Variants in CCDC148 observed in about 807,000 individuals in gnomAD.
CCDC148 encodes coiled-coil domain-containing protein 148.
Under a neutral mutation model 85.7 loss-of-function variants are expected in CCDC148, and 89 were observed. That is an observed-to-expected ratio of 1.04 (90% CI 0.87 to 1.24). The LOEUF (loss-of-function observed/expected upper bound fraction) is 1.24. Ranked by LOEUF, CCDC148 falls within the 50% of genes most tolerant of loss-of-function variation. The pLI, the probability that CCDC148 is intolerant of heterozygous loss-of-function variation, is 0.00. For missense variants in CCDC148, 692 were observed against 671.7 expected, an observed-to-expected ratio of 1.03 and a Z score of -0.33; for synonymous variants, 230 against 213.9, an observed-to-expected ratio of 1.08 and a Z score of -0.66.
intron 2 of CCDC148, among the ~76,000 whole-genome samples, chr2:158,353,646 C>A (rs1683452158): frequency 6.6e-6 from 1 of 152,112 alleles, no homozygotes. Context: ...TAACACCCCA[C>A]TGTCAACATT....
intron 8 of CCDC148, among the ~76,000 whole-genome samples, chr2:158,312,599 C>A (rs12694954): frequency 0.35 from 46,711 of 135,150 alleles, 9,931 homozygotes; most frequent in South Asian, 0.61. Context: ...AAAAAAAAAC[C>A]AAAAAACAAA....
chr2:158,293,956 C>CCTTCCTTCCTTCCTT lies in CCDC148; in HGVS notation c.1110+15476_1110+15477insAAGGAAGGAAGGAAG, dbSNP rs1559049522. ...TGCCTTCCTGCCTTCCTTCCCCTCT[C>CCTTCCTTCCTTCCTT]CCTCCCTCCCTCCCTCCCCCCCCCC... On this transcript the variant is annotated intron_variant, in intron 9 of 13. Coordinates refer to ENST00000283233, the MANE Select transcript of CCDC148 (RefSeq NM_138803.4). Among the ~76,000 whole-genome samples the CCTTCCTTCCTTCCTT allele has an allele frequency of 1.5e-4, 6 of 38,866 alleles. 1 individual carries two copies. The highest frequency in any genetic ancestry group is 2.3e-4 in the Non-Finnish European group (5 of 21,858). 25.5% of individuals were successfully genotyped at this position (38,866 alleles called of 152,430 possible).
chr2:158,182,405 C>T (rs992751539), intron 11 of CCDC148, among the ~76,000 whole-genome samples: 4 of 152,086 alleles, frequency 2.6e-5, no homozygotes, highest in Non-Finnish European at 1.5e-5. Context: ...ACATCAAATG[C>T]TACAGAAAGA....
At chr2:158,383,507 G>A (rs529907386) in intron 1 of CCDC148, among the ~76,000 whole-genome samples, 2 of 152,108 alleles carry the variant, frequency 1.3e-5, no homozygotes, top group East Asian at 3.9e-4. Context: ...AATGTGAATA[G>A]AATTATTTTT....
rs1685837414 is a variant in CCDC148, at chr2:158,199,391, T to A, written c.1371-20395A>T. Reference sequence around the variant, plus strand: ...TCCCAACTAGCTGGGATTATAGGCATCCGCCACCACCCCTGGCTAATTTTA... The same window carrying A: ...TCCCAACTAGCTGGGATTATAGGCAACCGCCACCACCCCTGGCTAATTTTA... On this transcript the variant is annotated intron_variant, in intron 11 of 13. Transcript: ENST00000283233. 3.3e-5 allele frequency among the ~76,000 whole-genome samples: 5 copies of A among 152,028 alleles called. No individual in the cohort carries two copies. In the South Asian group the frequency reaches 1.0e-3, roughly 32 times the overall value.
intron 11 of CCDC148, among the ~76,000 whole-genome samples, chr2:158,208,852 A>G (rs925632829): frequency 6.6e-6 from 1 of 152,144 alleles, no homozygotes; most frequent in Admixed American, 6.5e-5. Context: ...CTTGTAAGCT[A>G]AAACCTTAGT....
chr2:158,351,738 C>T (rs1241234114), intron 2 of CCDC148, among the ~76,000 whole-genome samples: 3 of 151,176 alleles, frequency 2.0e-5, no homozygotes, highest in Non-Finnish European at 4.4e-5. Context: ...CTCAAGGAGG[C>T]CTGCCTGCCT....
At chr2:158,225,187 A>G (rs1310415009) in intron 10 of CCDC148, among the ~76,000 whole-genome samples, 1 of 152,206 alleles carries the variant, frequency 6.6e-6, no homozygotes, top group Non-Finnish European at 1.5e-5. Context: ...TTAAACCAAC[A>G]AAGATCAAAA....
intron 11 of CCDC148, among the ~76,000 whole-genome samples, chr2:158,182,131 G>T (rs1684935518): frequency 6.6e-6 from 1 of 152,130 alleles, no homozygotes; most frequent in Non-Finnish European, 1.5e-5. Context: ...GGAGGTGAAA[G>T]AATTAAGTTC....
chr2:158,254,378 T>C (rs546554340), intron 9 of CCDC148, among the ~76,000 whole-genome samples: 72 of 151,754 alleles, frequency 4.7e-4, no homozygotes, highest in African/African-American at 1.7e-3. Flanking sequence ...TAACAGATTA[T>C]ATGGTGCTTG....
intron 9 of CCDC148, among the ~76,000 whole-genome samples, chr2:158,308,969 C>T (rs779462439): frequency 4.3e-4 from 65 of 152,224 alleles, no homozygotes; most frequent in Non-Finnish European, 7.2e-4. Context: ...TTCCCCAACA[C>T]TTCGCTGAGG....
At chr2:158,449,468 G>A (rs922125608) in intron 1 of CCDC148, among the ~76,000 whole-genome samples, 7 of 134,564 alleles carry the variant, frequency 5.2e-5, no homozygotes, top group African/African-American at 1.1e-4. Flanking sequence ...TTTTTTTTCC[G>A]AGACAGTCTC....
chr2:158,195,583 T>TTTG (rs1685632211), intron 11 of CCDC148, among the ~76,000 whole-genome samples: 1 of 152,314 alleles, frequency 6.6e-6, no homozygotes, highest in Non-Finnish European at 1.5e-5. Context: ...AGGGACCCAT[T>TTTG]GTCCCTAGCT....
intron 1 of CCDC148, among the ~76,000 whole-genome samples, chr2:158,416,269 G>A (rs1447271037): frequency 6.6e-6 from 1 of 152,164 alleles, no homozygotes; most frequent in South Asian, 2.1e-4. Flanking sequence ...GTGATGGGAG[G>A]GGCTGCCACG....
chr2:158,213,596 G>A (rs1303669179), intron 11 of CCDC148, among the ~76,000 whole-genome samples: 1 of 152,152 alleles, frequency 6.6e-6, no homozygotes. Flanking sequence ...CCTGTGCTTG[G>A]AAGAATGGTC....
At chr2:158,265,336 T>C (rs1427997469) in intron 9 of CCDC148, among the ~76,000 whole-genome samples, 1 of 152,170 alleles carries the variant, frequency 6.6e-6, no homozygotes, top group Non-Finnish European at 1.5e-5. Context: ...TACATCATTA[T>C]GTGCAAATGT....
chr2:158,392,111 C>A (rs922940261), intron 1 of CCDC148, among the ~76,000 whole-genome samples: 3 of 152,118 alleles, frequency 2.0e-5, no homozygotes, highest in Non-Finnish European at 4.4e-5. Flanking sequence ...TCATCAGGTT[C>A]TTTCATCTTG....
At chr2:158,242,777 T>C (rs1295553985) in intron 10 of CCDC148, among the ~76,000 whole-genome samples, 1 of 152,060 alleles carries the variant, frequency 6.6e-6, no homozygotes, top group Non-Finnish European at 1.5e-5. Flanking sequence ...ACCATTTAGT[T>C]ATAGGTTTAA....
chr2:158,278,470 T>C (rs1690075258), intron 9 of CCDC148, among the ~76,000 whole-genome samples: 1 of 152,150 alleles, frequency 6.6e-6, no homozygotes. Flanking sequence ...CACCAGGAGA[T>C]TATATCCTGC....
Sources: allele counts gnomAD v4.1 joint callset (sites outside exome capture counted in the v4.1 genomes callset), GRCh38; gene constraint gnomAD v4.1.1; transcripts MANE v1.5; gene names NCBI Gene and HGNC (gene_info 2026-07-23, HGNC 2026-07-21).